The following HIRA variants were observed in gnomAD, a reference collection of about 807,000 sequenced individuals.
The protein encoded by HIRA is protein HIRA.
In HIRA, 13 loss-of-function variants were observed where a neutral mutation model predicts 126.6. The observed-to-expected ratio is 0.10, with a 90% CI of 0.07 to 0.16. HIRA has a LOEUF of 0.16. Among genes scored for constraint, HIRA ranks in the 10% least tolerant of loss-of-function variants. The probability of loss-of-function intolerance (pLI) is 1.00; values close to 1 mark genes in which losing one functional copy is unlikely to be tolerated. For missense variants in HIRA, 834 were observed against 1,314.4 expected (o/e 0.63, Z 5.65); for synonymous variants, 511 against 520.0 (o/e 0.98, Z 0.24).
chr22:19,409,376 C>T lies in HIRA; in HGVS notation c.101-783G>A, dbSNP rs572324133. On this transcript the variant is annotated intron_variant, in intron 2 of 24. Transcript: ENST00000263208. Reference sequence around the variant, plus strand: ...TCGGCTCACTGCAACCTCCGCCTCGCAGGTTCCAGCGATTCTCCTATCTCA... The same window carrying T: ...TCGGCTCACTGCAACCTCCGCCTCGTAGGTTCCAGCGATTCTCCTATCTCA... Among the ~76,000 whole-genome samples, 466 of 152,108 alleles carry T rather than the reference C, an allele frequency of 3.1e-3. 2 individuals are homozygous for T. Among genetic ancestry groups the T allele is most frequent in the Non-Finnish European group, 5.2e-3 (353 of 68,010 alleles).
At chr22:19,401,301 T>C (rs2089266864) in intron 5 of HIRA, among the ~76,000 whole-genome samples, 1 of 152,172 alleles carries the variant, frequency 6.6e-6, no homozygotes, top group Admixed American at 6.5e-5. Flanking sequence ...CTGTCCGTTT[T>C]GTTGTTGTTG....
chr22:19,356,088 C>T (rs782473958), intron 20 of HIRA, 142 bp downstream of exon 20: 129 of 794,134 alleles, frequency 1.6e-4, no homozygotes, highest in Middle Eastern at 5.5e-4. Context: ...GTGTGTGTCT[C>T]CTGCAGCGTA....
chr22:19,382,334 C>T lies in HIRA; in HGVS notation c.1415+1286G>A, dbSNP rs2089081321. ...GTGTCACCATCACCACCACCACCTCCCCATCCCACAGGCCCAGTATGTTCA... is the reference window on the plus strand; with the variant it reads ...GTGTCACCATCACCACCACCACCTCTCCATCCCACAGGCCCAGTATGTTCA... On this transcript the variant is annotated intron_variant, in intron 13 of 24. Transcript: ENST00000263208. Among the ~76,000 whole-genome samples the T allele has an allele frequency of 1.3e-5, 2 of 152,208 alleles. 1 individual carries two copies. The highest frequency in any genetic ancestry group is 4.1e-4 in the South Asian group (2 of 4,832).
chr22:19,428,998 T>A (rs780582167), intron 1 of HIRA, among the ~76,000 whole-genome samples: 23 of 152,170 alleles, frequency 1.5e-4, no homozygotes, highest in Non-Finnish European at 2.9e-5. Flanking sequence ...CAGACCAGCA[T>A]CATCTCCTCC....
intron 15 of HIRA, chr22:19,365,731 T>C (rs1211259894): frequency 6.6e-6 from 1 of 152,240 alleles, no homozygotes; most frequent in South Asian, 2.1e-4. Context: ...AGCATTTTCA[T>C]CTTTCAAGTT....
chr22:19,398,596 A>ACC (rs759138391), intron 5 of HIRA, among the ~76,000 whole-genome samples: 8 of 152,234 alleles, frequency 5.3e-5, no homozygotes, highest in Non-Finnish European at 1.0e-4. Flanking sequence ...TGACAGGAGT[A>ACC]CCCCTTCACT....
chr22:19,353,570 G>A (rs782686971), intron 22 of HIRA, 51 bp from the exon 23 acceptor site: 1 of 1,517,440 alleles, frequency 6.6e-7, no homozygotes, highest in South Asian at 1.3e-5. Flanking sequence ...ACTACACAGA[G>A]TCAGGAACTG....
intron 24 of HIRA, among the ~76,000 whole-genome samples, chr22:19,340,946 C>T (rs150872510): frequency 1.3e-5 from 2 of 152,288 alleles, no homozygotes; most frequent in East Asian, 3.9e-4. Flanking sequence ...TAAGAGCAAT[C>T]TACAGATTCA....
chr22:19,400,009 C>T (rs1409872339), intron 5 of HIRA, among the ~76,000 whole-genome samples: 1 of 152,098 alleles, frequency 6.6e-6, no homozygotes, highest in Admixed American at 6.6e-5. Flanking sequence ...CAGGGGAGTG[C>T]CCACATCCTA....
intron 6 of HIRA, among the ~76,000 whole-genome samples, chr22:19,397,345 G>C (rs959961521): frequency 5.3e-5 from 8 of 152,180 alleles, no homozygotes; most frequent in Non-Finnish European, 1.2e-4. Flanking sequence ...GAAGACAAAG[G>C]TGTGTACGAC....
intron 24 of HIRA, among the ~76,000 whole-genome samples, chr22:19,340,352 A>G (rs2088613113): frequency 6.6e-6 from 1 of 152,152 alleles, no homozygotes; most frequent in African/African-American, 2.4e-5. Context: ...GAAAACCGTC[A>G]TAGAATGGAA....
At position 19,375,738 on chromosome 22, in the gene HIRA, C is replaced by G. The variant is rs376295771; in HGVS notation, c.1668G>C (p.Pro556=). 2.5e-5 allele frequency: 40 copies of G among 1,613,948 alleles called. No individual in the cohort carries two copies. The highest frequency in any genetic ancestry group is 3.2e-5 in the Non-Finnish European group (38 of 1,180,026). ...ACGCTTTCATGGGTTCGATCTTGGA[C>G]GGGGTCGTTAACACAGAAGGTGACA... ...AALSPSVLTT[P]SKIEPMKAFD... Residue 556 remains proline (P), a synonymous_variant, in exon 15 of 25, where the codon CCG becomes CCC. Transcript: ENST00000263208.
chr22:19,362,840 C>T (rs545579965), intron 15 of HIRA, among the ~76,000 whole-genome samples: 6 of 151,274 alleles, frequency 4.0e-5, no homozygotes, highest in African/African-American at 1.2e-4. Context: ...GGATTATGGT[C>T]GTGAGCCACC....
chr22:19,331,781 T>G (rs1556004709), intron 24 of HIRA, among the ~76,000 whole-genome samples: 1 of 152,164 alleles, frequency 6.6e-6, no homozygotes, highest in East Asian at 1.9e-4. Context: ...ATGAGGCCAA[T>G]GCAGGGTCTG....
intron 1 of HIRA, among the ~76,000 whole-genome samples, chr22:19,426,387 T>G (rs1041565451): frequency 6.6e-6 from 1 of 152,238 alleles, no homozygotes; most frequent in Non-Finnish European, 1.5e-5. Flanking sequence ...GTTCTATGTC[T>G]TTCCCTAAAT....
At chr22:19,354,572 T>C (rs994764553) in intron 21 of HIRA, among the ~76,000 whole-genome samples, 20 of 152,242 alleles carry the variant, frequency 1.3e-4, no homozygotes, top group African/African-American at 4.8e-4. Context: ...CCACCTTCTC[T>C]GGACCCTTCT....
chr22:19,405,771 G>A lies in HIRA; in HGVS notation c.397+15C>T, dbSNP rs745470422. ...TGTCAGGGGCCCACCCACCCCAACA[G>A]GCAGTCCCACTCACCGCCTGAATGA... On this transcript the variant is annotated intron_variant, in intron 5 of 24. Coordinates refer to ENST00000263208, the MANE Select transcript of HIRA (RefSeq NM_003325.4). 3.6e-6 allele frequency: 5 copies of A among 1,396,926 alleles called. No individual in the cohort carries two copies. The highest frequency in any genetic ancestry group is 1.5e-5 in the African/African-American group (1 of 67,474). The allele number at this position is 1,396,926 out of a possible 1,614,324, so 86.5% of individuals were successfully genotyped here. A position where few individuals can be genotyped will look rare whatever the true frequency, so the allele number is the denominator to read the frequency against.
chr22:19,422,518 CCTT>C (rs1475688875), intron 1 of HIRA, among the ~76,000 whole-genome samples: 1 of 152,112 alleles, frequency 6.6e-6, no homozygotes, highest in Non-Finnish European at 1.5e-5. Context: ...AGAATCAAGG[CCTT>C]CTAGTAGCCT....
chr22:19,390,217 G>A (rs894181057), intron 9 of HIRA, among the ~76,000 whole-genome samples: 5 of 152,054 alleles, frequency 3.3e-5, no homozygotes, highest in Non-Finnish European at 7.4e-5. Context: ...GTTCTCACTC[G>A]CCAACTACCA....
Sources: allele counts gnomAD v4.1 joint callset (sites outside exome capture counted in the v4.1 genomes callset), GRCh38; gene constraint gnomAD v4.1.1; transcripts MANE v1.5; gene names NCBI Gene and HGNC (gene_info 2026-07-23, HGNC 2026-07-21).